Variants in GPAT3 observed in about 807,000 individuals in gnomAD.
GPAT3 encodes 1-AGP acyltransferase 9.
Under a neutral mutation model 58.8 loss-of-function variants are expected in GPAT3, and 53 were observed. The ratio of observed to expected loss-of-function variants is 0.90; its 90% confidence interval spans 0.72 to 1.13. GPAT3 has a LOEUF of 1.13. Among genes scored for constraint, GPAT3 ranks in the 50% most tolerant of loss-of-function variants. The pLI is 0.00. For missense variants in GPAT3, 511 were observed against 527.6 expected (o/e 0.97, Z 0.31); for synonymous variants, 197 against 187.4 (o/e 1.05, Z -0.42).
chr4:83,542,763 C>G (rs769681175), intron 1 of GPAT3, among the ~76,000 whole-genome samples: 7 of 150,420 alleles, frequency 4.7e-5, no homozygotes, highest in Admixed American at 4.6e-4. Flanking sequence ...TTTGGGAGGC[C>G]GAGGCAGATG....
intron 10 of GPAT3, chr4:83,598,417 G>GGGCTCTCCTCTTGTGTTGC: frequency 1.4e-6 from 1 of 692,002 alleles, no homozygotes; most frequent in Middle Eastern, 4.0e-4. Context: ...TCTTGGGTAA[G>GGGCTCTCCTCTTGTGTTGC]ACTAATAAAG....
At chr4:83,547,532 G>A (rs6832714) in intron 2 of GPAT3, among the ~76,000 whole-genome samples, 75,595 of 151,492 alleles carry the variant, frequency 0.5, 19,384 homozygotes, top group African/African-American at 0.6. Context: ...GATTACAGGC[G>A]TGAGCTACTG....
chr4:83,536,682 C>T lies in GPAT3; in HGVS notation c.60C>T (p.Gly20=). Residue 20 remains glycine, a synonymous_variant, in exon 1 of 12, where the codon GGC becomes GGT. Transcript: ENST00000264409. ...ILSTWLTLVL[G]FILLPSVFGV... is the part of the protein sequence containing the mutation. Reference sequence around the variant, plus strand: ...CCACCTGGCTGACGCTGGTTCTCGGCTTCATCCTTTTACCTTCGGTCTTCG... The same window carrying T: ...CCACCTGGCTGACGCTGGTTCTCGGTTTCATCCTTTTACCTTCGGTCTTCG... 4 of 1,613,680 alleles carry T rather than the reference C, an allele frequency of 2.5e-6. No individual in the cohort carries two copies. In the South Asian group the frequency reaches 3.3e-5, roughly 13 times the overall value.
rs1197838671 is a variant in GPAT3, at chr4:83,597,420, C to T, written c.911-10C>T. ...AAAATATTCACGCTCCTACCCTCAC[C>T]CCCTTGCAGGAACTTGCATCAACAA... On this transcript the variant is annotated splice_polypyrimidine_tract_variant and intron_variant, in intron 8 of 11. Coordinates refer to ENST00000264409, the MANE Select transcript of GPAT3 (RefSeq NM_032717.5). The T allele has an allele frequency of 6.7e-7, 1 of 1,502,110 alleles. No homozygotes were observed. Among genetic ancestry groups the T allele is most frequent in the Non-Finnish European group, 8.9e-7 (1 of 1,118,038 alleles). The allele number at this position is 1,502,110 out of a possible 1,614,324, so 93.0% of individuals were successfully genotyped here.
At chr4:83,553,637 GC>G (rs1724835554) in intron 2 of GPAT3, among the ~76,000 whole-genome samples, 1 of 152,130 alleles carries the variant, frequency 6.6e-6, no homozygotes, top group Admixed American at 6.5e-5. Context: ...GGTGGCTCAT[GC>G]CTGTAATCCC....
chr4:83,584,595 C>T (rs923269216), intron 3 of GPAT3, among the ~76,000 whole-genome samples: 1 of 152,086 alleles, frequency 6.6e-6, no homozygotes, highest in Non-Finnish European at 1.5e-5. Flanking sequence ...AACCTCTGCC[C>T]GCTGAGTTCA....
rs373447738 is a variant in GPAT3, at chr4:83,583,589, C to T, written c.479+1757C>T. Among the ~76,000 whole-genome samples, 280 of 142,344 alleles carry T rather than the reference C, an allele frequency of 2.0e-3. 2 individuals are homozygous for T. The highest frequency in any genetic ancestry group is 3.3e-3 in the Non-Finnish European group (222 of 66,692). 93.4% of individuals were successfully genotyped at this position (142,344 alleles called of 152,430 possible). A position where few individuals can be genotyped will look rare whatever the true frequency, so the allele number is the denominator to read the frequency against. On this transcript the variant is annotated intron_variant, in intron 3 of 11. Transcript: ENST00000264409. ...AGGCTGAGGCAGAGAATTACTTGAA[C>T]CCAGGAGGCAGAGGTTGCAGTGAAC...
At chr4:83,564,537 A>G (rs58956961) in intron 2 of GPAT3, among the ~76,000 whole-genome samples, 3,043 of 152,096 alleles carry the variant, frequency 0.02, 103 homozygotes, top group African/African-American at 0.067. Context: ...TCTCTCTACA[A>G]AAACTCAAAA....
chr4:83,597,679 G>A (rs1324681462), intron 9 of GPAT3, among the ~76,000 whole-genome samples, 164 bp downstream of exon 9: 3 of 152,102 alleles, frequency 2.0e-5, no homozygotes, highest in African/African-American at 7.2e-5. Context: ...TCATGTGCTC[G>A]CTCTCTATAT....
At chr4:83,580,463 C>T (rs779898377) in intron 2 of GPAT3, among the ~76,000 whole-genome samples, 1 of 152,104 alleles carries the variant, frequency 6.6e-6, no homozygotes, top group African/African-American at 2.4e-5. Flanking sequence ...CCTACATTTG[C>T]CTACATTTCT....
Position 83,601,021 on chromosome 4 carries a change from C to T in GPAT3, c.1205+2298C>T, listed in dbSNP as rs7678626. Among the ~76,000 whole-genome samples, 1,087 of 152,240 alleles carry T rather than the reference C, an allele frequency of 7.1e-3. 17 individuals are homozygous for T. The highest frequency in any genetic ancestry group is 0.025 in the African/African-American group (1,048 of 41,534). On this transcript the variant is annotated intron_variant, in intron 11 of 11. Transcript: ENST00000264409. ...GGCTGTCAGCCAGGAAACCAGGGAC[C>T]CTCCTGAACCAGCAGAGGATGGTTT...
intron 2 of GPAT3, among the ~76,000 whole-genome samples, chr4:83,566,419 T>TTATTATTATTATTA (rs141548038): frequency 1.4e-5 from 2 of 143,594 alleles, no homozygotes; most frequent in African/African-American, 5.2e-5. Context: ...AATTAATTAA[T>TTATTATTATTATTA]TTATTATTAT....
At chr4:83,602,026 A>G (rs1486853681) in intron 11 of GPAT3, among the ~76,000 whole-genome samples, 2 of 152,234 alleles carry the variant, frequency 1.3e-5, no homozygotes, top group African/African-American at 2.4e-5. Context: ...ACATTGGAAT[A>G]TGTTAAACTA....
chr4:83,599,710 T>G (rs1039056866), intron 11 of GPAT3, among the ~76,000 whole-genome samples: 1 of 152,178 alleles, frequency 6.6e-6, no homozygotes, highest in Non-Finnish European at 1.5e-5. Flanking sequence ...CTTTAGTTTT[T>G]GTTTGTTTGA....
intron 2 of GPAT3, among the ~76,000 whole-genome samples, chr4:83,547,459 A>G (rs1017758568): frequency 2.0e-5 from 3 of 151,498 alleles, no homozygotes; most frequent in African/African-American, 7.3e-5. Flanking sequence ...TCACCGTGTT[A>G]GCCAGGATGG....
At chr4:83,591,422 C>T (rs1434632142) in intron 6 of GPAT3, among the ~76,000 whole-genome samples, 1 of 152,122 alleles carries the variant, frequency 6.6e-6, no homozygotes. Flanking sequence ...TAATGGAGCT[C>T]TTTCTGAATC....
At chr4:83,570,936 C>T (rs888515068) in intron 2 of GPAT3, among the ~76,000 whole-genome samples, 2 of 152,180 alleles carry the variant, frequency 1.3e-5, no homozygotes, top group African/African-American at 4.8e-5. Flanking sequence ...CATTTATGAT[C>T]TCAAAGTTCT....
chr4:83,595,323 A>AT (rs147494236), intron 7 of GPAT3: 3,633 of 154,228 alleles, frequency 0.024, 143 homozygotes, highest in African/African-American at 0.083. Context: ...CTCAATAAAA[A>AT]ATATATAAAA....
chr4:83,578,952 CTT>C (rs373124115), intron 2 of GPAT3, among the ~76,000 whole-genome samples: 1,108 of 46,286 alleles, frequency 0.024, 82 homozygotes, highest in South Asian at 0.044. Flanking sequence ...CTTTTCTTTT[CTT>C]TCTTTCTTTC....
Sources: gnomAD v4.1 joint callset for allele counts (sites outside exome capture counted in the v4.1 genomes callset) on GRCh38, gnomAD v4.1.1 for gene constraint, MANE v1.5 for transcripts, NCBI Gene and HGNC (gene_info 2026-07-23, HGNC 2026-07-21) for gene names.